The following NKIRAS1 variants were observed in gnomAD, a reference collection of about 807,000 sequenced individuals.
NKIRAS1 encodes the protein NFKB inhibitor interacting Ras like 1, also known as NF-kappa-B inhibitor-interacting Ras-like protein 1.
NKIRAS1 carries 16 observed loss-of-function variants against 19.8 expected under a neutral mutation model. The observed-to-expected ratio is 0.81, with a 90% CI of 0.55 to 1.23. The LOEUF (loss-of-function observed/expected upper bound fraction) is 1.23, where lower values mean the gene tolerates loss of function less well. Among genes scored for constraint, NKIRAS1 ranks in the 50% most tolerant of loss-of-function variants. The pLI is 0.00. For missense variants in NKIRAS1, 184 were observed against 220.0 expected, an observed-to-expected ratio of 0.84 and a Z score of 1.04; for synonymous variants, 88 against 79.0, an observed-to-expected ratio of 1.11 and a Z score of -0.61.
intron 1 of NKIRAS1, among the ~76,000 whole-genome samples, chr3:23,929,009 A>G (rs544922147): frequency 0.012 from 1,722 of 145,698 alleles, 41 homozygotes; most frequent in African/African-American, 0.043. Flanking sequence ...TAAAAAAAAA[A>G]AAAAGAAAAG....
chr3:23,918,659 C>G (rs1704857716), upstream of NKIRAS1: 1 of 1,470,666 alleles, frequency 6.8e-7, no homozygotes, highest in Non-Finnish European at 9.2e-7. Flanking sequence ...TCTGATTGTA[C>G]TTAGGTGAGC....
chr3:23,932,744 G>T lies in NKIRAS1; in HGVS notation c.-140+13579C>A, dbSNP rs149926944. ...TAGTTTTAGGAAGAAAACTGGCAGA[G>T]AAGATTGCTGGTGCCTCTCATAGGA... On this transcript the variant is annotated intron_variant, in intron 1 of 4. Coordinates refer to the NKIRAS1 transcript ENST00000421515. Among the ~76,000 whole-genome samples the T allele has an allele frequency of 4.0e-3, 598 of 151,218 alleles. 4 individuals are homozygous for T. The highest frequency in any genetic ancestry group is 0.013 in the African/African-American group (535 of 41,150).
chr3:23,931,157 A>C (rs1474853437), intron 1 of NKIRAS1, among the ~76,000 whole-genome samples: 2 of 152,212 alleles, frequency 1.3e-5, no homozygotes, highest in South Asian at 2.1e-4. Flanking sequence ...TACCGTAAAC[A>C]GTGTTTCCAT....
At position 23,890,431 on chromosome 3, in the gene NKIRAS1, A is replaced by AC; in HGVS notation, c.*2663dup. The stretch of plus-strand genomic sequence containing the variant: ...CACACATACTTTGTCGTACGTATCT[A>AC]CCCAAGCTGTCACTATTCGCTAAAG... On this transcript the variant is annotated 3_prime_UTR_variant, in exon 5 of 5. Coordinates refer to ENST00000425478, the MANE Select transcript of NKIRAS1 (RefSeq NM_020345.4). 1 of 1,393,848 alleles carries AC rather than the reference A, an allele frequency of 7.2e-7. No homozygotes were observed. Among genetic ancestry groups the AC allele is most frequent in the Non-Finnish European group, 9.9e-7 (1 of 1,006,636 alleles). 86.3% of individuals were successfully genotyped at this position (1,393,848 alleles called of 1,614,324 possible). A position where few individuals can be genotyped will look rare whatever the true frequency, so the allele number is the denominator to read the frequency against.
intron 1 of NKIRAS1, among the ~76,000 whole-genome samples, chr3:23,928,713 CG>C (rs2125265247): frequency 6.8e-6 from 1 of 146,392 alleles, no homozygotes; most frequent in African/African-American, 2.5e-5. Flanking sequence ...AAAAAAAGGC[CG>C]GGCGCTGTGA....
rs369877377 is a variant in NKIRAS1 at position 23,940,466 on chromosome 3, C to T, written c.-140+5857G>A. 1.1e-3 allele frequency among the ~76,000 whole-genome samples: 170 copies of T among 152,024 alleles called. 4 individuals carry two copies. In the South Asian group the frequency reaches 0.033, roughly 30 times the overall value. On this transcript the variant is annotated intron_variant, in intron 1 of 4. Transcript: ENST00000421515. ...TACATCTCATAAGCTATTATTATTG[C>T]ATTGTAGTGTGTGTGCTGGAGTTGT...
In NKIRAS1 at chr3:23,926,673, T is replaced by G. The variant is rs562647696; in HGVS notation, c.-139-15223A>C. Among the ~76,000 whole-genome samples, 64 of 152,136 alleles carry G rather than the reference T, an allele frequency of 4.2e-4. No homozygotes were observed. Among genetic ancestry groups the G allele is most frequent in the Admixed American group, 1.5e-3 (23 of 15,280 alleles). On this transcript the variant is annotated intron_variant, in intron 1 of 4. Transcript: ENST00000421515. The surrounding 1 kb of genome is among the most constrained non-coding windows in gnomAD (Gnocchi z 4.3). ...CTTCCTTTGTCAGGGCGATTTTAGG[T>G]TTTTAGAAGTTTTTGATAAGAGTTT...
chr3:23,946,122 C>G, intron 1 of NKIRAS1: 2 of 984,914 alleles, frequency 2.0e-6, no homozygotes, highest in Non-Finnish European at 1.2e-6. Flanking sequence ...GCCGCGATTC[C>G]CTCCTCCCCC....
chr3:23,894,001 C>T (rs1342354991), intron 4 of NKIRAS1, among the ~76,000 whole-genome samples: 1 of 152,086 alleles, frequency 6.6e-6, no homozygotes, highest in African/African-American at 2.4e-5. Flanking sequence ...AACAAGACAG[C>T]TGGAGCTGTG....
intron 3 of NKIRAS1, among the ~76,000 whole-genome samples, chr3:23,907,131 T>A (rs754558128): frequency 6.6e-6 from 1 of 152,200 alleles, no homozygotes; most frequent in African/African-American, 2.4e-5. Context: ...TGACTTCAAG[T>A]GATCCGCCTG....
chr3:23,891,148 A>T lies in NKIRAS1; in HGVS notation c.*1947T>A, dbSNP rs1701427688. On this transcript the variant is annotated 3_prime_UTR_variant, in exon 5 of 5. Transcript: ENST00000425478. ...TATGCCAATCTACTTTGTTTAAAAA[A>T]GGTCTGAATCAGGACTTGTGAAAAC... 1 of 152,654 alleles carries T rather than the reference A, an allele frequency of 6.6e-6. No homozygotes were observed. The allele number at this position is 152,654 out of a possible 1,614,324, so 9.5% of individuals were successfully genotyped here.
chr3:23,894,566 G>A (rs1205718782), intron 4 of NKIRAS1, among the ~76,000 whole-genome samples: 2 of 151,842 alleles, frequency 1.3e-5, no homozygotes, highest in African/African-American at 4.8e-5. Context: ...CCTCCCAACT[G>A]CAGAAACTCG....
chr3:23,917,726 T>C (rs564973213), upstream of NKIRAS1: 6 of 972,764 alleles, frequency 6.2e-6, no homozygotes, highest in East Asian at 1.3e-4. Context: ...CCCCGGCAGT[T>C]GGTGCAGAGC....
chr3:23,944,284 T>C (rs1041925636), intron 1 of NKIRAS1, among the ~76,000 whole-genome samples: 5 of 152,202 alleles, frequency 3.3e-5, no homozygotes, highest in African/African-American at 1.2e-4. Flanking sequence ...GTGTTGCACA[T>C]GTAAATATGT....
chr3:23,911,680 G>T (rs1164097147), intron 1 of NKIRAS1, among the ~76,000 whole-genome samples: 1 of 151,890 alleles, frequency 6.6e-6, no homozygotes, highest in Non-Finnish European at 1.5e-5. Context: ...TTTAGAAAAT[G>T]GACATGATTT....
At chr3:23,937,881 C>T (rs559930634) in intron 1 of NKIRAS1, among the ~76,000 whole-genome samples, 1 of 152,132 alleles carries the variant, frequency 6.6e-6, no homozygotes, top group South Asian at 2.1e-4. Context: ...AGACTGCATT[C>T]ATTACATGTA....
chr3:23,922,007 A>G lies in NKIRAS1; in HGVS notation c.-139-10557T>C. ...AGGAATGAGCCACCACACCGGGCCC[A>G]AATTTACTTTAGTAATAACAACAAT... On this transcript the variant is annotated intron_variant, in intron 1 of 4. Coordinates refer to the NKIRAS1 transcript ENST00000421515. This position sits in a 1 kb window ranked among gnomAD's most constrained non-coding sequence, Gnocchi z 4.2. 1 of 173,228 alleles carries G rather than the reference A, an allele frequency of 5.8e-6. No homozygotes were observed. Among genetic ancestry groups the G allele is most frequent in the Non-Finnish European group, 1.2e-5 (1 of 81,896 alleles). The allele number at this position is 173,228 out of a possible 1,614,324, so 10.7% of individuals were successfully genotyped here.
rs1269396060 is a variant in NKIRAS1, at chr3:23,891,505, C to T, written c.*1590G>A. Among the ~76,000 whole-genome samples, 2 of 152,196 alleles carry T rather than the reference C, an allele frequency of 1.3e-5. No individual in the cohort carries two copies. The highest frequency in any genetic ancestry group is 2.9e-5 in the Non-Finnish European group (2 of 68,032). ...GGTATCCTAGAAAAGGTTAAATAAT[C>T]TACCCCATTTAGGCTTCAAAGACGA... On this transcript the variant is annotated 3_prime_UTR_variant, in exon 5 of 5. Coordinates refer to ENST00000425478, the MANE Select transcript of NKIRAS1 (RefSeq NM_020345.4).
chr3:23,916,498 C>T (rs1575114139), intron 1 of NKIRAS1: 1 of 152,342 alleles, frequency 6.6e-6, no homozygotes, highest in East Asian at 1.9e-4. Context: ...AATCCACCCA[C>T]TCCATGACCC....
Sources: gnomAD v4.1 joint callset for allele counts (sites outside exome capture counted in the v4.1 genomes callset) on GRCh38, gnomAD v4.1.1 for gene constraint, Gnocchi (gnomAD v3.1) non-coding constraint, MANE v1.5 for transcripts, NCBI Gene and HGNC (gene_info 2026-07-23, HGNC 2026-07-21) for gene names.